PCDHA2: variants seen among roughly 807,000 people sequenced by gnomAD.
PCDHA2 encodes the protein protocadherin alpha-2.
A neutral mutation model predicts 66.0 loss-of-function variants in PCDHA2; 58 were observed. The observed-to-expected ratio is 0.88, with a 90% CI of 0.71 to 1.09. The LOEUF (loss-of-function observed/expected upper bound fraction) is 1.09. Ranked by LOEUF, PCDHA2 falls within the 50% of genes least tolerant of loss-of-function variation. PCDHA2 has a pLI of 0.00. For synonymous variants in PCDHA2, 634 were observed against 554.0 expected (o/e 1.14, Z -2.03); for missense variants, 1,267 against 1,242.3 (o/e 1.02, Z -0.30).
intron 1 of PCDHA2, among the ~76,000 whole-genome samples, chr5:140,904,628 A>G (rs2071277621): frequency 6.6e-6 from 1 of 152,002 alleles, no homozygotes; most frequent in African/African-American, 2.4e-5. Context: ...TTAGTTCTTT[A>G]AGGAATCTCC....
At chr5:140,850,060 C>T (rs2150465360) in intron 1 of PCDHA2, 8 of 1,596,516 alleles carry the variant, frequency 5.0e-6, no homozygotes, top group East Asian at 4.5e-5. Flanking sequence ...GCGCTGCAGC[C>T]GTTGGACCAC....
In PCDHA2 at chr5:140,857,497, G is replaced by A. The variant is rs1473016176; in HGVS notation, c.2388+60145G>A. On this transcript the variant is annotated intron_variant, in intron 1 of 3. Coordinates refer to ENST00000526136, the MANE Select transcript of PCDHA2 (RefSeq NM_018905.3). ...CGGTGTCTGCGTGGGACGCGGACGCGCAGGAGAACGCCCTGGTGTCCTACT... is the reference window on the plus strand; with the variant it reads ...CGGTGTCTGCGTGGGACGCGGACGCACAGGAGAACGCCCTGGTGTCCTACT... 10 of 1,598,262 alleles carry A rather than the reference G, an allele frequency of 6.3e-6. 1 individual carries two copies. Among genetic ancestry groups the A allele is most frequent in the Non-Finnish European group, 8.6e-6 (10 of 1,167,792 alleles).
intron 1 of PCDHA2, among the ~76,000 whole-genome samples, chr5:140,903,666 A>T (rs1554191076): frequency 6.6e-6 from 1 of 152,228 alleles, no homozygotes; most frequent in African/African-American, 2.4e-5. Flanking sequence ...AATTTAACTG[A>T]TATAAAAGAT....
chr5:140,972,479 C>G (rs782631191), intron 1 of PCDHA2, among the ~76,000 whole-genome samples: 1 of 151,994 alleles, frequency 6.6e-6, no homozygotes, highest in Non-Finnish European at 1.5e-5. Flanking sequence ...CAGCATTTAA[C>G]CCCAGACTCT....
chr5:140,823,212 G>A (rs1282468969), intron 1 of PCDHA2: 1 of 1,613,666 alleles, frequency 6.2e-7, no homozygotes, highest in African/African-American at 1.3e-5. Context: ...TGTCTGCACG[G>A]GACGCGGACG....
At chr5:140,820,308 A>G (rs1455881999) in intron 1 of PCDHA2, among the ~76,000 whole-genome samples, 1 of 152,020 alleles carries the variant, frequency 6.6e-6, no homozygotes, top group Non-Finnish European at 1.5e-5. Flanking sequence ...CTATGACAAT[A>G]TCTTGTTTCT....
At chr5:140,807,077 C>A (rs1763842173) in intron 1 of PCDHA2, 2 of 1,247,964 alleles carry the variant, frequency 1.6e-6, no homozygotes, top group Non-Finnish European at 2.3e-6. Flanking sequence ...CATATACACT[C>A]TTTGGAGTCT....
rs369670852 is a variant in PCDHA2, at chr5:140,928,571, C to G, written c.2389-50378C>G. 1.9e-5 allele frequency: 30 copies of G among 1,614,180 alleles called. 1 individual carries two copies. The African/African-American group carries it at 1.9e-4, about 10-fold the overall frequency. On this transcript the variant is annotated intron_variant, in intron 1 of 3. Transcript: ENST00000526136. ...TATCCGGTTATCTTGTTTCCCTTGC[C>G]CAGAAATGGTTCTGTCCCAGTGGAA...
chr5:140,802,421 G>T (rs782249231), intron 1 of PCDHA2: 1 of 1,614,248 alleles, frequency 6.2e-7, no homozygotes, highest in South Asian at 1.1e-5. Context: ...ACTCATTGGT[G>T]CTGGACAGCC....
intron 1 of PCDHA2, chr5:140,852,359 C>T (rs2042307858): frequency 1.5e-5 from 3 of 204,042 alleles, no homozygotes; most frequent in Non-Finnish European, 1.9e-5. Flanking sequence ...CTCACTGCAA[C>T]GTCTGCCTCC....
intron 2 of PCDHA2, among the ~76,000 whole-genome samples, chr5:140,979,316 G>A (rs782153299): frequency 2.0e-5 from 3 of 151,950 alleles, no homozygotes; most frequent in Non-Finnish European, 4.4e-5. Context: ...CTCTACCTAT[G>A]CTTTCTTTTC....
In PCDHA2 at chr5:140,802,660, C is replaced by T. The variant is rs139431952; in HGVS notation, c.2388+5308C>T. ...CGGGACGCGGACGCGCAGGAGAACG[C>T]CCTGGTGTCCTACTCGCTGGTGGAA... On this transcript the variant is annotated intron_variant, in intron 1 of 3. Coordinates refer to ENST00000526136, the MANE Select transcript of PCDHA2 (RefSeq NM_018905.3). 9 of 1,613,442 alleles carry T rather than the reference C, an allele frequency of 5.6e-6. No individual in the cohort carries two copies. In the African/African-American group the frequency reaches 6.7e-5, roughly 12 times the overall value.
chr5:141,001,987 A>C (rs547998020), intron 3 of PCDHA2, among the ~76,000 whole-genome samples: 3 of 152,302 alleles, frequency 2.0e-5, no homozygotes, highest in African/African-American at 7.2e-5. Context: ...AAAGCCTGGA[A>C]GTTCACTTGC....
At chr5:140,821,807 C>A (rs1291478949) in intron 1 of PCDHA2, 1 of 1,613,374 alleles carries the variant, frequency 6.2e-7, no homozygotes, top group African/African-American at 1.3e-5. Flanking sequence ...AGTCTGGGAT[C>A]CCGGCTCCTG....
At chr5:140,992,035 G>A (rs529236840) in intron 3 of PCDHA2, among the ~76,000 whole-genome samples, 1 of 151,988 alleles carries the variant, frequency 6.6e-6, no homozygotes, top group Non-Finnish European at 1.5e-5. Flanking sequence ...GTGTGTGTGT[G>A]TGTGTGTGTG....
chr5:140,960,438 T>C (rs1403944664), intron 1 of PCDHA2, among the ~76,000 whole-genome samples: 4 of 152,180 alleles, frequency 2.6e-5, no homozygotes, highest in African/African-American at 9.7e-5. Context: ...ATACTCTAGA[T>C]ATATGTATGG....
At chr5:141,005,796 AAC>A (rs2098240426) in intron 3 of PCDHA2, among the ~76,000 whole-genome samples, 1 of 151,400 alleles carries the variant, frequency 6.6e-6, no homozygotes, top group Admixed American at 6.6e-5. Flanking sequence ...AGGCAAAAAC[AAC>A]TCCAAGGAGC....
rs782337552 is a variant in PCDHA2, at chr5:140,856,686, C to G, written c.2388+59334C>G. On this transcript the variant is annotated intron_variant, in intron 1 of 3. Transcript: ENST00000526136. ...CCTCAGCTAAAGTTGTTGTTGACAG[C>G]AACTGATGGAGGCAAACCTGAATTT... is the stretch of plus-strand genomic sequence containing the variant. The G allele has an allele frequency of 1.9e-6, 3 of 1,597,202 alleles. No individual in the cohort carries two copies. The East Asian group carries it at 6.7e-5, about 36-fold the overall frequency.
chr5:140,997,820 T>C (rs2097787131), intron 3 of PCDHA2, among the ~76,000 whole-genome samples: 1 of 152,170 alleles, frequency 6.6e-6, no homozygotes. Flanking sequence ...GGTATCTATG[T>C]TTTCTAAACA....
Sources: gnomAD v4.1 joint callset for allele counts (sites outside exome capture counted in the v4.1 genomes callset) on GRCh38, gnomAD v4.1.1 for gene constraint, MANE v1.5 for transcripts, NCBI Gene and HGNC (gene_info 2026-07-23, HGNC 2026-07-21) for gene names.